Variants in ELAVL4 observed in about 807,000 individuals in gnomAD.
The protein encoded by ELAVL4 is ELAV-like protein 4.
ELAVL4 carries 1 observed loss-of-function variant against 35.6 expected under a neutral mutation model. The observed-to-expected ratio is 0.03, with a 90% CI of 0.01 to 0.13. The LOEUF (loss-of-function observed/expected upper bound fraction) is 0.13. Ranked by LOEUF, ELAVL4 falls within the 10% of genes least tolerant of loss-of-function variation. The pLI, the probability that ELAVL4 is intolerant of heterozygous loss-of-function variation, is 1.00. For missense variants in ELAVL4, 267 were observed against 464.9 expected (o/e 0.57, Z 3.91); for synonymous variants, 156 against 171.0 (o/e 0.91, Z 0.69).
chr1:50,133,831 G>A (rs1355089637), intron 1 of ELAVL4, among the ~76,000 whole-genome samples: 6 of 151,988 alleles, frequency 3.9e-5, no homozygotes, highest in Admixed American at 6.6e-5. Context: ...AATTTATCAC[G>A]GCCAGTTATA....
chr1:50,144,311 C>T (rs887666215), intron 1 of ELAVL4, among the ~76,000 whole-genome samples: 2 of 151,938 alleles, frequency 1.3e-5, no homozygotes, highest in Non-Finnish European at 2.9e-5. Flanking sequence ...AGTTTGCCTC[C>T]ATGTTTTTTG....
At chr1:50,165,383 T>C (rs1677568444) in intron 2 of ELAVL4, among the ~76,000 whole-genome samples, 1 of 151,676 alleles carries the variant, frequency 6.6e-6, no homozygotes, top group Non-Finnish European at 1.5e-5. Context: ...TACCTGACCA[T>C]CTGTATTAGT....
intron 1 of ELAVL4, among the ~76,000 whole-genome samples, chr1:50,058,043 TA>T (rs1444286565): frequency 6.6e-6 from 1 of 152,304 alleles, no homozygotes; most frequent in South Asian, 2.1e-4. Context: ...TTTTCCAAAT[TA>T]AAGGAAGCTT....
intron 1 of ELAVL4, among the ~76,000 whole-genome samples, chr1:50,059,045 T>C (rs1232776735): frequency 6.6e-6 from 1 of 152,218 alleles, no homozygotes; most frequent in East Asian, 1.9e-4. Flanking sequence ...CCTTACTGCC[T>C]GCATTAAATT....
At chr1:50,066,525 C>G (rs891420873) in intron 1 of ELAVL4, among the ~76,000 whole-genome samples, 2 of 152,204 alleles carry the variant, frequency 1.3e-5, no homozygotes, top group Non-Finnish European at 2.9e-5. Context: ...TGTTGGCCAA[C>G]TCTTCATACT....
upstream of ELAVL4, chr1:50,104,048 A>G (rs773454862): frequency 6.2e-7 from 1 of 1,605,556 alleles, no homozygotes; most frequent in East Asian, 2.2e-5. Flanking sequence ...GTAGACCGTC[A>G]ATGGGTGGTA....
At chr1:50,049,323 C>A (rs1663235137) in intron 1 of ELAVL4, among the ~76,000 whole-genome samples, 2 of 152,238 alleles carry the variant, frequency 1.3e-5, no homozygotes, top group Admixed American at 1.3e-4. Context: ...ATAATACTTG[C>A]AAATTGACAC....
chr1:50,072,448 G>T (rs78496523), intron 1 of ELAVL4, among the ~76,000 whole-genome samples: 4 of 152,278 alleles, frequency 2.6e-5, no homozygotes, highest in Admixed American at 6.5e-5. Context: ...ACACAGCCCC[G>T]CTGGGCCTTC....
chr1:50,152,419 C>T (rs2148718445), intron 2 of ELAVL4, among the ~76,000 whole-genome samples: 1 of 152,216 alleles, frequency 6.6e-6, no homozygotes, highest in Middle Eastern at 3.4e-3. Context: ...CCAACACACA[C>T]ACACACACAC....
chr1:50,176,636 T>A (rs911719235), intron 2 of ELAVL4, among the ~76,000 whole-genome samples: 3 of 152,232 alleles, frequency 2.0e-5, no homozygotes, highest in Non-Finnish European at 4.4e-5. Flanking sequence ...AGTGCTGTTA[T>A]CTCCAGAACA....
chr1:50,197,171 G>GATTAATTCA (rs1401635255), intron 5 of ELAVL4, among the ~76,000 whole-genome samples: 3,177 of 152,248 alleles, frequency 0.021, 110 homozygotes, highest in African/African-American at 0.071. Flanking sequence ...GAGAGGTGGG[G>GATTAATTCA]GGAATGGTAT....
chr1:50,133,629 A>AAGAAAGAAAGAAAGAAAG (rs1671335123), intron 1 of ELAVL4, among the ~76,000 whole-genome samples: 3 of 150,070 alleles, frequency 2.0e-5, no homozygotes, highest in East Asian at 1.9e-4. Context: ...GAAAGAAAGA[A>AAGAAAGAAAGAAAGAAAG]AGAAAGAAAG....
intron 3 of ELAVL4, among the ~76,000 whole-genome samples, chr1:50,190,039 C>T (rs941640231): frequency 6.6e-6 from 1 of 152,236 alleles, no homozygotes; most frequent in African/African-American, 2.4e-5. Context: ...CAGCTGCTTA[C>T]AGTCACCTGG....
At chr1:50,140,818 G>A (rs1672697585) in intron 1 of ELAVL4, among the ~76,000 whole-genome samples, 1 of 152,082 alleles carries the variant, frequency 6.6e-6, no homozygotes, top group African/African-American at 2.4e-5. Context: ...GCAGAGCAAA[G>A]AGAGCTCCAT....
At chr1:50,050,334 A>T (rs897624263) in intron 1 of ELAVL4, among the ~76,000 whole-genome samples, 28 of 152,234 alleles carry the variant, frequency 1.8e-4, no homozygotes, top group African/African-American at 6.8e-4. Context: ...AGATTTGGCT[A>T]CAAAGGGACA....
chr1:50,094,952 A>T (rs1404270281), intron 1 of ELAVL4, among the ~76,000 whole-genome samples: 17 of 152,132 alleles, frequency 1.1e-4, no homozygotes, highest in African/African-American at 9.6e-5. Flanking sequence ...ATAATAATAA[A>T]AAAAATTATT....
Position 50,059,303 on chromosome 1 carries a change from C to T in ELAVL4, c.18+11121C>T, listed in dbSNP as rs542160756. Among the ~76,000 whole-genome samples, 5 of 152,270 alleles carry T rather than the reference C, an allele frequency of 3.3e-5. No homozygotes were observed. In the South Asian group the frequency reaches 6.2e-4, roughly 19 times the overall value. ...GCAGTTGTCATTGCCTATACATGCA[C>T]GGACTTAGTGGAGCTCACAGAAAGT... On this transcript the variant is annotated intron_variant, in intron 1 of 6. Coordinates refer to the ELAVL4 transcript ENST00000448907.
intron 1 of ELAVL4, among the ~76,000 whole-genome samples, chr1:50,109,403 A>C (rs1438189575): frequency 6.6e-6 from 1 of 152,096 alleles, no homozygotes; most frequent in Admixed American, 6.6e-5. Context: ...ATTTTTAGCA[A>C]GTCGTTGTCA....
intron 6 of ELAVL4, among the ~76,000 whole-genome samples, chr1:50,200,231 C>T (rs2148897202): frequency 6.6e-6 from 1 of 152,100 alleles, no homozygotes; most frequent in African/African-American, 2.4e-5. Context: ...CACCAAGAAA[C>T]ATTTGACAAC....
Sources: allele counts gnomAD v4.1 joint callset (sites outside exome capture counted in the v4.1 genomes callset), GRCh38; gene constraint gnomAD v4.1.1; transcripts MANE v1.5; gene names NCBI Gene and HGNC (gene_info 2026-07-23, HGNC 2026-07-21).